The following TOPBP1 variants were observed in gnomAD, a reference collection of about 807,000 sequenced individuals.
TOPBP1 encodes DNA topoisomerase 2-binding protein 1.
In TOPBP1, 28 loss-of-function variants were observed where a neutral mutation model predicts 167.7. The observed-to-expected ratio is 0.17, with a 90% CI of 0.12 to 0.23. TOPBP1 has a LOEUF of 0.23. Ranked by LOEUF, TOPBP1 falls within the 10% of genes least tolerant of loss-of-function variation. The probability of loss-of-function intolerance (pLI) is 1.00; values close to 1 mark genes in which losing one functional copy is unlikely to be tolerated. For synonymous variants in TOPBP1, 598 were observed against 611.4 expected (o/e 0.98, Z 0.32); for missense variants, 1,554 against 1,809.6 (o/e 0.86, Z 2.56).
At chr3:133,651,183 T>C (rs1230632284) in intron 8 of TOPBP1, among the ~76,000 whole-genome samples, 1 of 148,274 alleles carries the variant, frequency 6.7e-6, no homozygotes, top group East Asian at 2.0e-4. Flanking sequence ...TTTTTTTTTT[T>C]TTTTTTTTTT....
chr3:133,639,486 A>C (rs1225231078), intron 13 of TOPBP1, among the ~76,000 whole-genome samples: 3 of 152,182 alleles, frequency 2.0e-5, no homozygotes, highest in Admixed American at 1.3e-4. Flanking sequence ...ATTAGGAGAA[A>C]TACCTAATGT....
intron 8 of TOPBP1, among the ~76,000 whole-genome samples, chr3:133,651,738 G>A (rs1239805121): frequency 1.3e-5 from 2 of 152,182 alleles, no homozygotes; most frequent in African/African-American, 4.8e-5. Flanking sequence ...AGACTTTGGA[G>A]TAGATAACTG....
chr3:133,642,935 G>A (rs1935944679), intron 12 of TOPBP1, among the ~76,000 whole-genome samples: 1 of 151,950 alleles, frequency 6.6e-6, no homozygotes, highest in Non-Finnish European at 1.5e-5. Context: ...TCATTATGAA[G>A]TCACAACTTA....
At position 133,656,838 on chromosome 3, in the gene TOPBP1, A is replaced by G; in HGVS notation, c.383T>C (p.Val128Ala). Residue 128 changes from valine (V) to alanine (A), a missense_variant, in exon 5 of 28, where the codon GTA becomes GCA. Transcript: ENST00000260810. Reference sequence around the variant, plus strand: ...GTATACTCGTCCGCCCATCATTTGTACATATTTATGAACTTCTTCCTGCAG... The same window carrying G: ...GTATACTCGTCCGCCCATCATTTGTGCATATTTATGAACTTCTTCCTGCAG... ...KEKREEVHKY[V>A]QMMGGRVYRD... is the part of the protein sequence containing the mutation. 1 of 1,589,106 alleles carries G rather than the reference A, an allele frequency of 6.3e-7. No homozygotes were observed. Among genetic ancestry groups the G allele is most frequent in the Non-Finnish European group, 8.6e-7 (1 of 1,169,066 alleles).
Position 133,657,896 on chromosome 3 carries a change from G to A in TOPBP1, c.265C>T (p.His89Tyr). 7 of 1,597,886 alleles carry A rather than the reference G, an allele frequency of 4.4e-6. No individual in the cohort carries two copies. The highest frequency in any genetic ancestry group is 6.0e-6 in the Non-Finnish European group (7 of 1,173,912). ...GCTCTTGGGACACATCGCTGGTGGTGCATACAAAATATGACTACTTGAGGA... is the reference window on the plus strand; with the variant it reads ...GCTCTTGGGACACATCGCTGGTGGTACATACAAAATATGACTACTTGAGGA... ...VGPQVVIFCMHHQRCVPRAEH... is the reference protein window; with the variant it reads ...VGPQVVIFCMYHQRCVPRAEH... Residue 89 changes from histidine (H) to tyrosine (Y), a missense_variant, in exon 4 of 28, where the codon CAC becomes TAC. This residue lies in a region of TOPBP1 where 1,197 missense variants were observed against 1,351.5 expected (regional missense o/e 0.89). Transcript: ENST00000260810.
In TOPBP1 at chr3:133,620,410, A is replaced by T. The variant is rs1031423701; in HGVS notation, c.3179-63T>A. 3.3e-5 allele frequency: 51 copies of T among 1,535,124 alleles called. No homozygotes were observed. The South Asian group carries it at 4.6e-4, about 14-fold the overall frequency. On this transcript the variant is annotated intron_variant, in intron 19 of 27. Coordinates refer to ENST00000260810, the MANE Select transcript of TOPBP1 (RefSeq NM_007027.4). ...CCTCTTTTTTACCATATCTTACATTAACTATTTTGTTTAGACCTGGTTGAA... is the reference window on the plus strand; with the variant it reads ...CCTCTTTTTTACCATATCTTACATTTACTATTTTGTTTAGACCTGGTTGAA...
chr3:133,606,073 T>A (rs1934482806), intron 27 of TOPBP1, among the ~76,000 whole-genome samples: 2 of 151,988 alleles, frequency 1.3e-5, no homozygotes, highest in Admixed American at 6.6e-5. Context: ...ATGGCTGTAG[T>A]CCTAGCTACT....
intron 24 of TOPBP1, among the ~76,000 whole-genome samples, chr3:133,611,484 G>A (rs963976006): frequency 6.6e-6 from 1 of 152,198 alleles, no homozygotes; most frequent in Non-Finnish European, 1.5e-5. Flanking sequence ...CACAGTCTCA[G>A]AGGAGGTATG....
rs372486861 is a variant in TOPBP1, at chr3:133,611,120, T to A, written c.4057A>T (p.Ser1353Cys). Residue 1353 changes from serine (S) to cysteine (C), a missense_variant, in exon 25 of 28, where the codon AGT becomes TGT. Coordinates refer to ENST00000260810, the MANE Select transcript of TOPBP1 (RefSeq NM_007027.4). ...FVQEEDYEWGSSSILDVLTGI... is the reference protein window; with the variant it reads ...FVQEEDYEWGCSSILDVLTGI... ...GTCAGAACATCAAGTATGGAACTAC[T>A]TCCCCATTCATAGTCTTCTTCCTAG... 26 of 1,612,388 alleles carry A rather than the reference T, an allele frequency of 1.6e-5. No individual in the cohort carries two copies. In the African/African-American group the frequency reaches 3.2e-4, roughly 20 times the overall value.
chr3:133,628,628 C>T lies in TOPBP1; in HGVS notation c.2626G>A (p.Ala876Thr). 6.2e-7 allele frequency: 1 copy of T among 1,605,494 alleles called. No individual in the cohort carries two copies. Among genetic ancestry groups the T allele is most frequent in the Non-Finnish European group, 8.5e-7 (1 of 1,175,862 alleles). ...GCGACAGCATTTCGAGAGCTATTTG[C>T]CAAAGCAAGTTGCAAGTTTTTGACA... ...VIVKNLQLAL[A>T]NSSRNAVALS... Residue 876 changes from alanine (A) to threonine (T), a missense_variant, in exon 15 of 28, where the codon GCA (alanine) becomes ACA (threonine). By Grantham distance (58) the Ala-to-Thr change is moderately conservative. This residue lies in a region of TOPBP1 where 1,197 missense variants were observed against 1,351.5 expected (regional missense o/e 0.89). Coordinates refer to ENST00000260810, the MANE Select transcript of TOPBP1 (RefSeq NM_007027.4).
intron 22 of TOPBP1, 117 bp downstream of exon 22, chr3:133,617,043 A>C (rs1435672854): frequency 1.5e-6 from 2 of 1,356,426 alleles, no homozygotes; most frequent in African/African-American, 2.9e-5. Context: ...ATAATGATAC[A>C]ATGCAAAAAA....
rs778902104 is a variant in TOPBP1, at chr3:133,649,560, T to C, written c.1327A>G (p.Ile443Val). The change falls in exon 10 of 28, where the codon ATC becomes GTC. Residue 443 changes from isoleucine to valine, a missense_variant. Coordinates refer to ENST00000260810, the MANE Select transcript of TOPBP1 (RefSeq NM_007027.4). ...KGYMLSEEPY[I>V]HANYQPVEIP... ...TCCACTGGCTGGTAATTAGCATGGA[T>C]ATATGGTTCTTCAGAAAGCATATAA... The C allele has an allele frequency of 1.2e-6, 2 of 1,613,916 alleles. No homozygotes were observed. Among genetic ancestry groups the C allele is most frequent in the South Asian group, 2.2e-5 (2 of 91,078 alleles).
intron 5 of TOPBP1, 92 bp downstream of exon 5, chr3:133,656,584 T>G: frequency 8.0e-7 from 1 of 1,253,996 alleles, no homozygotes; most frequent in South Asian, 1.8e-5. Context: ...TTTTTTTCCC[T>G]GAATAGTAAG....
At position 133,653,400 on chromosome 3, in the gene TOPBP1, T is replaced by G. The variant is rs1233521671; in HGVS notation, c.867A>C (p.Glu289Asp). Reference sequence around the variant, plus strand: ...TTGAAGAATTGGGCATAGTCTTTGCTTCTGGTCTAGGTTCTGTCTTGTATA... The same window carrying G: ...TTGAAGAATTGGGCATAGTCTTTGCGTCTGGTCTAGGTTCTGTCTTGTATA... Reference protein sequence around the residue: ...ESIYKTEPRPEAKTMPNSSTP... With the variant: ...ESIYKTEPRPDAKTMPNSSTP... The change falls in exon 7 of 28, where the codon GAA becomes GAC. Residue 289 changes from glutamate (E) to aspartate (D), a missense_variant. By Grantham distance (45) the Glu-to-Asp change is conservative (BLOSUM62 2). Transcript: ENST00000260810. 1 of 1,612,594 alleles carries G rather than the reference T, an allele frequency of 6.2e-7. No individual in the cohort carries two copies. The highest frequency in any genetic ancestry group is 1.7e-5 in the Admixed American group (1 of 59,666).
intron 8 of TOPBP1, among the ~76,000 whole-genome samples, chr3:133,650,404 G>T (rs1936250092): frequency 6.6e-6 from 1 of 151,700 alleles, no homozygotes. Context: ...AGCTGCCTAT[G>T]ATTAACGACA....
intron 16 of TOPBP1, among the ~76,000 whole-genome samples, chr3:133,625,378 CTT>C (rs1935235236): frequency 6.6e-6 from 1 of 152,184 alleles, no homozygotes; most frequent in Admixed American, 6.5e-5. Context: ...CTTAGGGACA[CTT>C]AATATTTTCC....
intron 24 of TOPBP1, among the ~76,000 whole-genome samples, chr3:133,611,607 A>G (rs1934678120): frequency 1.3e-5 from 2 of 152,226 alleles, no homozygotes; most frequent in African/African-American, 4.8e-5. Context: ...TAACATTCAA[A>G]TTAAATCATT....
At chr3:133,640,761 A>G (rs192647473) in intron 12 of TOPBP1, among the ~76,000 whole-genome samples, 225 of 152,268 alleles carry the variant, frequency 1.5e-3, no homozygotes, top group African/African-American at 4.8e-3. Context: ...TTTCCTCCCA[A>G]AAGAAGGCAC....
At position 133,616,855 on chromosome 3, in the gene TOPBP1, G is replaced by A; in HGVS notation, c.3830C>T (p.Pro1277Leu). Residue 1277 changes from proline (P) to leucine (L), a missense_variant, in exon 23 of 28, where the codon CCT becomes CTT. Pro to Leu is a moderately conservative substitution (Grantham distance 98). This residue lies in a region of TOPBP1 where 351 missense variants were observed against 432.9 expected (regional missense o/e 0.81). Coordinates refer to ENST00000260810, the MANE Select transcript of TOPBP1 (RefSeq NM_007027.4). ...ATGACAATAGTCAATACGTTCTTGA[G>A]GATTCAGAGATGATAACTGAAATAT... Reference protein sequence around the residue: ...QYIFQLSSLNPQERIDYCHLI... With the variant: ...QYIFQLSSLNLQERIDYCHLI... 6.4e-7 allele frequency: 1 copy of A among 1,557,182 alleles called. No homozygotes were observed. Among genetic ancestry groups the A allele is most frequent in the East Asian group, 2.3e-5 (1 of 43,098 alleles).
Sources: allele counts gnomAD v4.1 joint callset (sites outside exome capture counted in the v4.1 genomes callset), GRCh38; gene constraint gnomAD v4.1.1; regional missense constraint gnomAD v4.1.1; transcripts MANE v1.5; gene names NCBI Gene and HGNC (gene_info 2026-07-23, HGNC 2026-07-21).